Variants in EPB41 observed in about 807,000 individuals in gnomAD.
EPB41 encodes protein 4.1.
Under a neutral mutation model 108.0 loss-of-function variants are expected in EPB41, and 65 were observed. The ratio of observed to expected loss-of-function variants is 0.60; its 90% CI spans 0.49 to 0.74. The LOEUF is 0.74. EPB41 is among the 30% of genes least tolerant of loss of function. The pLI, the probability that EPB41 is intolerant of heterozygous loss-of-function variation, is 0.00. For missense variants in EPB41, 875 were observed against 1,037.0 expected (o/e 0.84, Z 2.15); for synonymous variants, 336 against 358.9 (o/e 0.94, Z 0.72).
chr1:29,115,558 A>G lies in EPB41; in HGVS notation c.2497-141A>G. 1.4e-6 allele frequency: 1 copy of G among 715,616 alleles called. No individual in the cohort carries two copies. 44.3% of individuals were successfully genotyped at this position (715,616 alleles called of 1,614,324 possible). On this transcript the variant is annotated intron_variant, in intron 19 of 20. Transcript: ENST00000343067. This position sits in a 1 kb window ranked among gnomAD's most constrained non-coding sequence, Gnocchi z 4.4. ...GGATAGGGTGGGTAAGGTAATTATCAGCTTGGCTTAGCCTAAAGCTGCCCT... is the reference window on the plus strand; with the variant it reads ...GGATAGGGTGGGTAAGGTAATTATCGGCTTGGCTTAGCCTAAAGCTGCCCT...
At chr1:29,052,328 G>A (rs955572842) in intron 11 of EPB41, among the ~76,000 whole-genome samples, 10 of 152,150 alleles carry the variant, frequency 6.6e-5, no homozygotes, top group Non-Finnish European at 1.3e-4. Flanking sequence ...GACATTGCCA[G>A]ATATTCTCTG....
chr1:28,977,930 G>C (rs1226319559), intron 1 of EPB41, among the ~76,000 whole-genome samples: 1 of 151,586 alleles, frequency 6.6e-6, no homozygotes, highest in Non-Finnish European at 1.5e-5. Flanking sequence ...GTATCAGTGA[G>C]CTTTATCAGT....
At chr1:28,955,161 A>G (rs2094893637) in intron 1 of EPB41, among the ~76,000 whole-genome samples, 1 of 152,190 alleles carries the variant, frequency 6.6e-6, no homozygotes, top group Admixed American at 6.5e-5. Context: ...ACCACTTGCT[A>G]ATAATGCAAG....
rs546832880 is a variant in EPB41, at chr1:28,914,598, G to A, written c.-178G>A. ...GGAAGGCGGGAGGGCGCGCGCCAGG[G>A]TCGCTCGCTCGCTCCCTCCCTCCGC... On this transcript the variant is annotated 5_prime_UTR_variant, in exon 1 of 21. Transcript: ENST00000343067. 1.3e-5 allele frequency: 2 copies of A among 151,834 alleles called. No homozygotes were observed. Among genetic ancestry groups the A allele is most frequent in the African/African-American group, 4.8e-5 (2 of 41,364 alleles). The allele number at this position is 151,834 out of a possible 1,614,324, so 9.4% of individuals were successfully genotyped here. A position where few individuals can be genotyped will look rare whatever the true frequency, so the allele number is the denominator to read the frequency against.
chr1:28,986,701 G>A (rs1571976926), intron 1 of EPB41, among the ~76,000 whole-genome samples: 1 of 152,138 alleles, frequency 6.6e-6, no homozygotes, highest in East Asian at 1.9e-4. Flanking sequence ...AGGCAGAGGC[G>A]GGAGGATAGC....
chr1:28,897,680 A>AGGAAG (rs1285629885), intron 1 of EPB41, among the ~76,000 whole-genome samples: 2 of 146,468 alleles, frequency 1.4e-5, no homozygotes, highest in Non-Finnish European at 3.0e-5. Flanking sequence ...AAGGGAAGAA[A>AGGAAG]GGAAGGGAAG....
In EPB41 at chr1:29,097,790, T is replaced by C. The variant is rs369292363; in HGVS notation, c.2185-17T>C. 5.6e-6 allele frequency: 9 copies of C among 1,613,576 alleles called. No homozygotes were observed. Among genetic ancestry groups the C allele is most frequent in the African/African-American group, 2.7e-5 (2 of 74,908 alleles). ...CTTCAGAAATACTCTAGTAACTCTT[T>C]CCTTACTGCTTCACAGCCTCCCCTG... On this transcript the variant is annotated splice_polypyrimidine_tract_variant and intron_variant, in intron 16 of 20. Coordinates refer to ENST00000343067, the MANE Select transcript of EPB41 (RefSeq NM_001376013.1).
At chr1:29,083,638 A>T (rs975593663) in intron 16 of EPB41, among the ~76,000 whole-genome samples, 3 of 152,048 alleles carry the variant, frequency 2.0e-5, no homozygotes, top group Non-Finnish European at 2.9e-5. Context: ...GTTTTAACTT[A>T]AAAAAAATTG....
Position 29,018,478 on chromosome 1 carries a change from T to C in EPB41, c.1124+36T>C. 5.2e-6 allele frequency: 8 copies of C among 1,541,726 alleles called. No individual in the cohort carries two copies. Among genetic ancestry groups the C allele is most frequent in the Non-Finnish European group, 7.0e-6 (8 of 1,150,814 alleles). Reference sequence around the variant, plus strand: ...CTCCAGGGTTTGTTCGGTGTTTGTTTTGGCGATTAGTTTAAACACAACATG... The same window carrying C: ...CTCCAGGGTTTGTTCGGTGTTTGTTCTGGCGATTAGTTTAAACACAACATG... On this transcript the variant is annotated intron_variant, in intron 7 of 20. Transcript: ENST00000343067. This position sits in a 1 kb window ranked among gnomAD's most constrained non-coding sequence, Gnocchi z 4.4.
At position 28,987,772 on chromosome 1, in the gene EPB41, G is replaced by T. The variant is rs369294048; in HGVS notation, c.335G>T (p.Gly112Val). ...VESDKEKGEGGQKEIEFGTSL... is the reference protein window; with the variant it reads ...VESDKEKGEGVQKEIEFGTSL... ...TCAGATAAAGAAAAAGGTGAAGGAG[G>T]TCAGAAAGAGATAGAATTTGGAACC... The change falls in exon 2 of 21, where the codon GGT becomes GTT. Residue 112 changes from glycine to valine, a missense_variant. Around this residue, in one of 3 missense-constraint regions of EPB41, gnomAD observed 353 missense variants for 393.2 expected, o/e 0.90. Coordinates refer to ENST00000343067, the MANE Select transcript of EPB41 (RefSeq NM_001376013.1). 5 of 1,613,948 alleles carry T rather than the reference G, an allele frequency of 3.1e-6. No individual in the cohort carries two copies. The African/African-American group carries it at 5.3e-5, about 17-fold the overall frequency.
intron 11 of EPB41, among the ~76,000 whole-genome samples, chr1:29,042,586 C>T (rs917057481): frequency 6.6e-6 from 1 of 152,088 alleles, no homozygotes; most frequent in African/African-American, 2.4e-5. Flanking sequence ...TCAAGTGATT[C>T]TCGTACCTCA....
At chr1:28,959,212 C>CTTTTTTT (rs34502231) in intron 1 of EPB41, among the ~76,000 whole-genome samples, 16 of 97,944 alleles carry the variant, frequency 1.6e-4, no homozygotes, top group African/African-American at 3.7e-4. Flanking sequence ...AAAGTTTGAT[C>CTTTTTTT]TTTTTTTTTT....
At chr1:28,889,871 G>A in intron 1 of EPB41, 1 of 983,378 alleles carries the variant, frequency 1.0e-6, no homozygotes, top group Non-Finnish European at 1.2e-6. Flanking sequence ...ACCTGAACAG[G>A]ATACTCACAG....
intron 1 of EPB41, among the ~76,000 whole-genome samples, chr1:28,920,155 T>C (rs2092971290): frequency 6.6e-6 from 1 of 152,216 alleles, no homozygotes; most frequent in Admixed American, 6.5e-5. Flanking sequence ...ACTGTGAGTT[T>C]ATATTGATTA....
intron 1 of EPB41, among the ~76,000 whole-genome samples, chr1:28,975,692 G>T (rs2095587332): frequency 6.6e-6 from 1 of 152,116 alleles, no homozygotes; most frequent in African/African-American, 2.4e-5. Context: ...TATGTGGCCA[G>T]GCGCGGTGGC....
At chr1:28,915,942 T>A (rs203279) in intron 1 of EPB41, among the ~76,000 whole-genome samples, 18,671 of 152,094 alleles carry the variant, frequency 0.12, 1,574 homozygotes, top group African/African-American at 0.25. Flanking sequence ...TTTTAGTTGG[T>A]TTGATCCCTT....
At chr1:28,910,636 G>A (rs541582661), upstream of EPB41, among the ~76,000 whole-genome samples, 5 of 152,168 alleles carry the variant, frequency 3.3e-5, no homozygotes, top group South Asian at 8.3e-4. Flanking sequence ...CTTCCCCACT[G>A]GTCACCACCT....
intron 16 of EPB41, among the ~76,000 whole-genome samples, chr1:29,075,539 T>C (rs1222396614): frequency 1.3e-5 from 2 of 152,182 alleles, no homozygotes; most frequent in Non-Finnish European, 2.9e-5. Flanking sequence ...AATCCTGTTT[T>C]GGGTAAATGA....
At chr1:29,065,543 CT>C (rs2151012822) in intron 16 of EPB41, 2 of 160,552 alleles carry the variant, frequency 1.2e-5, no homozygotes, top group African/African-American at 4.8e-5. Flanking sequence ...AGACATTAGT[CT>C]TTTTAAAAAG....
Sources: allele counts gnomAD v4.1 joint callset (sites outside exome capture counted in the v4.1 genomes callset), GRCh38; gene constraint gnomAD v4.1.1; regional missense constraint gnomAD v4.1.1; non-coding constraint Gnocchi (gnomAD v3.1); transcripts MANE v1.5; gene names NCBI Gene and HGNC (gene_info 2026-07-23, HGNC 2026-07-21).